APMAP: variants seen among roughly 807,000 people sequenced by gnomAD.
APMAP encodes the protein adipocyte plasma membrane associated protein.
APMAP carries 33 observed loss-of-function variants against 43.6 expected under a neutral mutation model. That is an observed-to-expected ratio of 0.76 (90% CI 0.57 to 1.01). APMAP has a LOEUF of 1.01. APMAP is among the 50% of genes least tolerant of loss of function. The pLI is 0.00. For synonymous variants in APMAP, 224 were observed against 216.7 expected, an observed-to-expected ratio of 1.03 and a Z score of -0.30; for missense variants, 498 against 540.7, an observed-to-expected ratio of 0.92 and a Z score of 0.78.
chr20:24,969,823 C>A lies in APMAP; in HGVS notation c.714-163G>T, dbSNP rs1393391365. 3.3e-5 allele frequency among the ~76,000 whole-genome samples: 5 copies of A among 152,198 alleles called. No individual in the cohort carries two copies. The East Asian group carries it at 9.6e-4, about 29-fold the overall frequency. Reference sequence around the variant, plus strand: ...TCGAGGCTGGCCCCTGGGGGCCCTTCCCCATCCACAGCAGATCCAGTGTCC... The same window carrying A: ...TCGAGGCTGGCCCCTGGGGGCCCTTACCCATCCACAGCAGATCCAGTGTCC... On this transcript the variant is annotated intron_variant, in intron 6 of 8. Coordinates refer to ENST00000217456, the MANE Select transcript of APMAP (RefSeq NM_020531.3).
In APMAP at chr20:24,980,697, C is replaced by T. The variant is rs1278626359; in HGVS notation, c.213-1815G>A. On this transcript the variant is annotated intron_variant, in intron 2 of 8. Transcript: ENST00000217456. ...GCTCAGCCTCTGTCACCTCTACACA[C>T]TGGGCAGCGTGGCGTCACCATGGTC... Among the ~76,000 whole-genome samples the T allele has an allele frequency of 3.3e-5, 5 of 151,568 alleles. No individual in the cohort carries two copies. In the East Asian group the frequency reaches 9.8e-4, roughly 30 times the overall value.
chr20:24,985,018 G>T (rs1310957200), intron 1 of APMAP, among the ~76,000 whole-genome samples: 1 of 152,126 alleles, frequency 6.6e-6, no homozygotes, highest in Admixed American at 6.5e-5. Context: ...TGATTTAAGG[G>T]GGCAGGGTTT....
Position 24,970,351 on chromosome 20 carries a change from ACAG to A in APMAP, c.556_558del (p.Leu186del). On this transcript the variant is annotated inframe_deletion, in exon 6 of 9. Transcript: ENST00000217456. The stretch of plus-strand genomic sequence containing the variant: ...TTCCCCTCAATGGGTGTCTCGGAGG[ACAG>A]CAGCAGTTTCACTTCACCTGAAGTT... 1 of 1,611,876 alleles carries A rather than the reference ACAG, an allele frequency of 6.2e-7. No individual in the cohort carries two copies. Among genetic ancestry groups the A allele is most frequent in the Non-Finnish European group, 8.5e-7 (1 of 1,178,736 alleles).
intron 2 of APMAP, among the ~76,000 whole-genome samples, chr20:24,979,557 G>C (rs140091347): frequency 2.1e-4 from 32 of 152,210 alleles, no homozygotes; most frequent in South Asian, 8.3e-4. Flanking sequence ...GTTCTGCTGA[G>C]GCCACTTTGA....
At chr20:24,982,429 T>C (rs2088112951) in intron 2 of APMAP, among the ~76,000 whole-genome samples, 1 of 152,260 alleles carries the variant, frequency 6.6e-6, no homozygotes, top group Non-Finnish European at 1.5e-5. Context: ...ATCAGGCTTT[T>C]CTACTCAACA....
chr20:24,963,474 C>T lies in APMAP; in HGVS notation c.*339G>A, dbSNP rs912793410. The stretch of plus-strand genomic sequence containing the variant: ...GCTCTCTGGGTAGTGCCTTACTGCT[C>T]CACCCACCTGAGCCCTGTTCCAAGT... On this transcript the variant is annotated 3_prime_UTR_variant, in exon 9 of 9. Coordinates refer to ENST00000217456, the MANE Select transcript of APMAP (RefSeq NM_020531.3). The T allele has an allele frequency of 6.4e-6, 2 of 310,412 alleles. No individual in the cohort carries two copies. The highest frequency in any genetic ancestry group is 4.3e-5 in the African/African-American group (2 of 46,352). 19.2% of individuals were successfully genotyped at this position (310,412 alleles called of 1,614,324 possible).
chr20:24,966,863 T>G (rs1387934488), intron 8 of APMAP, among the ~76,000 whole-genome samples: 2 of 152,148 alleles, frequency 1.3e-5, no homozygotes, highest in East Asian at 3.8e-4. Flanking sequence ...AAGGAGAATG[T>G]GCCAAACACA....
intron 3 of APMAP, among the ~76,000 whole-genome samples, chr20:24,977,182 A>G (rs1163550381): frequency 6.6e-6 from 1 of 152,260 alleles, no homozygotes; most frequent in East Asian, 1.9e-4. Flanking sequence ...GACTCCGAGT[A>G]CTATTGACGT....
Position 24,978,752 on chromosome 20 carries a change from CA to C in APMAP, c.328+14del. 2 of 1,488,846 alleles carry C rather than the reference CA, an allele frequency of 1.3e-6. No individual in the cohort carries two copies. The highest frequency in any genetic ancestry group is 1.5e-5 in the African/African-American group (1 of 67,768). The allele number at this position is 1,488,846 out of a possible 1,614,324, so 92.2% of individuals were successfully genotyped here. Reference sequence around the variant, plus strand: ...CAGCCTGGAAGGCTCCCCCCCCACCCAAGCTTAGACTTACCCCCAATATGTG... The same window carrying C: ...CAGCCTGGAAGGCTCCCCCCCCACCCAGCTTAGACTTACCCCCAATATGTG... On this transcript the variant is annotated intron_variant, in intron 3 of 8. Coordinates refer to ENST00000217456, the MANE Select transcript of APMAP (RefSeq NM_020531.3).
chr20:24,973,846 G>A, intron 3 of APMAP, 109 bp from the exon 4 acceptor site: 1 of 855,358 alleles, frequency 1.2e-6, no homozygotes, highest in Non-Finnish European at 1.8e-6. Context: ...GCCCTATAGA[G>A]GAAATGCCAA....
rs1199879445 is a variant in APMAP, at chr20:24,992,589, C to T, written c.95+5G>A. On this transcript the variant is annotated splice_donor_5th_base_variant and intron_variant, in intron 1 of 8. Transcript: ENST00000217456. The stretch of plus-strand genomic sequence containing the variant: ...TCCAGCGCCCAGTCTGGGAGTCCGC[C>T]CTACCTGCCGTCCTTAGCCTCCGGG... 1.3e-6 allele frequency: 2 copies of T among 1,538,576 alleles called. No homozygotes were observed. Among genetic ancestry groups the T allele is most frequent in the South Asian group, 1.2e-5 (1 of 82,898 alleles).
rs557094663 is a variant in APMAP, at chr20:24,992,245, G to C, written c.95+349C>G. Among the ~76,000 whole-genome samples, 3 of 152,314 alleles carry C rather than the reference G, an allele frequency of 2.0e-5. No individual in the cohort carries two copies. In the South Asian group the frequency reaches 6.2e-4, roughly 32 times the overall value. ...AAGCCAAAGGAAGGACAGCGCGAGG[G>C]GAGCGAGGGAAAGGCGAGGAAGCAA... is the stretch of plus-strand genomic sequence containing the variant. On this transcript the variant is annotated intron_variant, in intron 1 of 8. Transcript: ENST00000217456.
At position 24,992,701 on chromosome 20, in the gene APMAP, A is replaced by G. The variant is rs1455198995; in HGVS notation, c.-13T>C. 5.3e-5 allele frequency: 80 copies of G among 1,505,206 alleles called. No homozygotes were observed. Among genetic ancestry groups the G allele is most frequent in the Non-Finnish European group, 6.5e-5 (73 of 1,125,282 alleles). 93.2% of individuals were successfully genotyped at this position (1,505,206 alleles called of 1,614,324 possible). On this transcript the variant is annotated 5_prime_UTR_variant, in exon 1 of 9. Coordinates refer to ENST00000217456, the MANE Select transcript of APMAP (RefSeq NM_020531.3). ...CCGCCTCGCTCATGGTACGGGCGCC[A>G]GCCTCACCCGCAGAAACCACCTCAC...
At chr20:24,985,086 TA>T (rs1033911920) in intron 1 of APMAP, among the ~76,000 whole-genome samples, 6 of 152,122 alleles carry the variant, frequency 3.9e-5, no homozygotes, top group African/African-American at 1.4e-4. Flanking sequence ...CTGTTCTGGG[TA>T]TGGTGTAGAA....
At chr20:24,980,382 C>T (rs1411051578) in intron 2 of APMAP, among the ~76,000 whole-genome samples, 2 of 152,246 alleles carry the variant, frequency 1.3e-5, no homozygotes, top group Non-Finnish European at 2.9e-5. Context: ...CCACCTGGGG[C>T]AATTGGTGCC....
chr20:24,963,443 C>A lies in APMAP; in HGVS notation c.*370G>T, dbSNP rs1347343724. ...TTGAGGCCGCAGGACAGGGCCGCAG[C>A]AGCAAGCTCTCTGGGTAGTGCCTTA... On this transcript the variant is annotated 3_prime_UTR_variant, in exon 9 of 9. Transcript: ENST00000217456. 1 of 247,028 alleles carries A rather than the reference C, an allele frequency of 4.0e-6. No homozygotes were observed. Among genetic ancestry groups the A allele is most frequent in the East Asian group, 1.1e-4 (1 of 9,390 alleles). 15.3% of individuals were successfully genotyped at this position (247,028 alleles called of 1,614,324 possible).
chr20:24,972,695 C>A (rs919819497), intron 4 of APMAP, among the ~76,000 whole-genome samples: 10 of 145,212 alleles, frequency 6.9e-5, no homozygotes, highest in African/African-American at 2.3e-4. Context: ...TTGCAAGTAC[C>A]ACTGCAGGTG....
At position 24,984,059 on chromosome 20, in the gene APMAP, TCAGA is replaced by T. The variant is rs746925770; in HGVS notation, c.96-44_96-41del. On this transcript the variant is annotated intron_variant, in intron 1 of 8. Transcript: ENST00000217456. ...AGATACAAAGGCAATCAGCTGAGTC[TCAGA>T]CAGTGACAAGGTTGGCTGGTCCGAA... The T allele has an allele frequency of 9.3e-4, 1,419 of 1,531,104 alleles. 2 individuals are homozygous for T. The highest frequency in any genetic ancestry group is 1.1e-3 in the Middle Eastern group (6 of 5,394). 94.8% of individuals were successfully genotyped at this position (1,531,104 alleles called of 1,614,324 possible).
chr20:24,966,916 G>A lies in APMAP; in HGVS notation c.1041+1976C>T, dbSNP rs374266486. On this transcript the variant is annotated intron_variant, in intron 8 of 8. Transcript: ENST00000217456. Reference sequence around the variant, plus strand: ...TGAGTGACAGGGCATTAGGCCAGCCGCTAACTCGGAAACAGTGCTGGGAAA... The same window carrying A: ...TGAGTGACAGGGCATTAGGCCAGCCACTAACTCGGAAACAGTGCTGGGAAA... Among the ~76,000 whole-genome samples the A allele has an allele frequency of 2.8e-4, 42 of 152,220 alleles. 1 individual carries two copies. Among genetic ancestry groups the A allele is most frequent in the African/African-American group, 7.5e-4 (31 of 41,522 alleles).
Sources: allele counts gnomAD v4.1 joint callset (sites outside exome capture counted in the v4.1 genomes callset), GRCh38; gene constraint gnomAD v4.1.1; transcripts MANE v1.5; gene names NCBI Gene and HGNC (gene_info 2026-07-23, HGNC 2026-07-21).